RASAL1: variants seen among roughly 807,000 people sequenced by gnomAD.
RASAL1 encodes the protein rasGAP-activating-like protein 1.
In RASAL1, 72 loss-of-function variants were observed where a neutral mutation model predicts 96.6. The ratio of observed to expected loss-of-function variants is 0.75; its 90% CI spans 0.62 to 0.91. The LOEUF (loss-of-function observed/expected upper bound fraction) is 0.91, where lower values mean the gene tolerates loss of function less well. Ranked by LOEUF, RASAL1 falls within the 40% of genes least tolerant of loss-of-function variation. The pLI is 0.00. For synonymous variants in RASAL1, 405 were observed against 430.4 expected, an observed-to-expected ratio of 0.94 and a Z score of 0.73; for missense variants, 1,016 against 1,072.5, an observed-to-expected ratio of 0.95 and a Z score of 0.74.
Position 113,099,887 on chromosome 12 carries a change from C to T in RASAL1, c.*42G>A, listed in dbSNP as rs1311576696. ...GGGCAGGATGCGCTGAAGAGGGCCCCCTGGCTCTTGCTCCTCCTTCCGGGC... is the reference window on the plus strand; with the variant it reads ...GGGCAGGATGCGCTGAAGAGGGCCCTCTGGCTCTTGCTCCTCCTTCCGGGC... On this transcript the variant is annotated 3_prime_UTR_variant, in exon 21 of 21. Transcript: ENST00000548055. 6.3e-7 allele frequency: 1 copy of T among 1,583,178 alleles called. No homozygotes were observed. The highest frequency in any genetic ancestry group is 1.3e-5 in the African/African-American group (1 of 74,322).
At position 113,099,777 on chromosome 12, in the gene RASAL1, G is replaced by A; in HGVS notation, c.*152C>T. ...AAGGGCTTCCATGCCCTGAGTTCTGGACTCAAGGCACACAGGACTAGGCAC... is the reference window on the plus strand; with the variant it reads ...AAGGGCTTCCATGCCCTGAGTTCTGAACTCAAGGCACACAGGACTAGGCAC... On this transcript the variant is annotated 3_prime_UTR_variant, in exon 21 of 21. Transcript: ENST00000548055. The A allele has an allele frequency of 1.8e-6, 2 of 1,123,810 alleles. No homozygotes were observed. Among genetic ancestry groups the A allele is most frequent in the Non-Finnish European group, 1.3e-6 (1 of 798,304 alleles). 69.6% of individuals were successfully genotyped at this position (1,123,810 alleles called of 1,614,324 possible). A position where few individuals can be genotyped will look rare whatever the true frequency, so the allele number is the denominator to read the frequency against.
chr12:113,121,768 C>T, intron 4 of RASAL1, 130 bp from the exon 5 acceptor site: 1 of 1,125,072 alleles, frequency 8.9e-7, no homozygotes, highest in Non-Finnish European at 1.2e-6. Context: ...GTTGCCCAGG[C>T]TGGAGTGCAG....
chr12:113,136,737 G>A (rs984940451), upstream of RASAL1, among the ~76,000 whole-genome samples: 1 of 152,236 alleles, frequency 6.6e-6, no homozygotes, highest in Non-Finnish European at 1.5e-5. Flanking sequence ...ACAGTGACAA[G>A]TACCTAATAC....
chr12:113,119,545 C>T, intron 5 of RASAL1, 102 bp from the exon 6 acceptor site: 1 of 1,164,436 alleles, frequency 8.6e-7, no homozygotes, highest in Non-Finnish European at 1.2e-6. Context: ...GTTTCCAAGG[C>T]AACAAACTGT....
At chr12:113,116,332 C>T (rs1488153000) in intron 8 of RASAL1, among the ~76,000 whole-genome samples, 3 of 151,930 alleles carry the variant, frequency 2.0e-5, no homozygotes, top group African/African-American at 7.3e-5. Flanking sequence ...TGCACTCCAG[C>T]CTGCGTGACA....
chr12:113,103,852 G>T, intron 18 of RASAL1, 94 bp downstream of exon 18: 1 of 1,503,874 alleles, frequency 6.6e-7, no homozygotes, highest in Non-Finnish European at 9.0e-7. Context: ...TGAGTAACTT[G>T]CCCAAGGTTG....
rs1566035211 is a variant in RASAL1 at position 113,104,009 on chromosome 12, C to CG, written c.2040dup (p.Ala681ArgfsTer19). The CG allele has an allele frequency of 6.4e-7, 1 of 1,569,074 alleles. No homozygotes were observed. The stretch of plus-strand genomic sequence containing the variant: ...CTGCGGAAGGCACCGGGGTGGCAGG[C>CG]GGCCAGCTTGTTCGGGTTGGGGGCG... On this transcript the variant is annotated frameshift_variant, in exon 18 of 21. Transcript: ENST00000548055. LOFTEE classifies it high-confidence loss of function.
At chr12:113,105,573 G>A (rs1027624135) in intron 16 of RASAL1, 141 bp downstream of exon 16, 1 of 906,538 alleles carries the variant, frequency 1.1e-6, no homozygotes, top group Non-Finnish European at 1.7e-6. Flanking sequence ...AGCCTGTCCT[G>A]AGAGTTTGTC....
chr12:113,112,954 A>AAAATAAATAAATAAAT lies in RASAL1; in HGVS notation c.1182-692_1182-677dup, dbSNP rs3038168. Among the ~76,000 whole-genome samples the AAAATAAATAAATAAAT allele has an allele frequency of 3.5e-3, 518 of 149,596 alleles. 4 individuals carry two copies. Among genetic ancestry groups the AAAATAAATAAATAAAT allele is most frequent in the African/African-American group, 0.012 (482 of 40,458 alleles). ...GTGACACAGCGAGACTCCATCTCAA[A>AAAATAAATAAATAAAT]AAATAAATAAATAAATAAATAAACC... On this transcript the variant is annotated intron_variant, in intron 12 of 20. Transcript: ENST00000548055.
chr12:113,134,290 T>C (rs773954948), intron 1 of RASAL1, among the ~76,000 whole-genome samples: 1 of 152,108 alleles, frequency 6.6e-6, no homozygotes, highest in Non-Finnish European at 1.5e-5. Flanking sequence ...CTGCAGTGTT[T>C]TGGGGGTTGG....
Position 113,105,732 on chromosome 12 carries a change from G to A in RASAL1, c.1812C>T (p.Ser604=), listed in dbSNP as rs945765715. 1.2e-6 allele frequency: 2 copies of A among 1,610,664 alleles called. No homozygotes were observed. The highest frequency in any genetic ancestry group is 1.3e-5 in the African/African-American group (1 of 74,996). ...ACCCCACCTGCCACTCAGGACTCTT[G>A]GAGAAGGAGAGGGTCTCCCCGCTGA... ...VWLSGETLSF[S]KSPEWQMCHS... Residue 604 remains serine, a synonymous_variant, in exon 16 of 21, where the codon TCC becomes TCT. Coordinates refer to ENST00000548055, the MANE Select transcript of RASAL1 (RefSeq NM_001301202.2).
chr12:113,121,766 G>A, intron 4 of RASAL1, 128 bp from the exon 5 acceptor site: 6 of 1,133,924 alleles, frequency 5.3e-6, no homozygotes, highest in Non-Finnish European at 7.4e-6. Flanking sequence ...CTGTTGCCCA[G>A]GCTGGAGTGC....
At chr12:113,106,962 A>G in intron 15 of RASAL1, 135 bp downstream of exon 15, 1 of 1,012,962 alleles carries the variant, frequency 9.9e-7, no homozygotes, top group Non-Finnish European at 1.5e-6. Context: ...CACAGTAAGT[A>G]TCAGGAAATG....
In RASAL1 at chr12:113,100,624, T is replaced by A. The variant is rs765456484; in HGVS notation, c.2278+4A>T. The A allele has an allele frequency of 3.7e-6, 6 of 1,607,464 alleles. No homozygotes were observed. The South Asian group carries it at 6.6e-5, about 18-fold the overall frequency. On this transcript the variant is annotated splice_donor_region_variant and intron_variant, in intron 20 of 20. Transcript: ENST00000548055. ...TTTACCTTCTGAGGTACAGGAGCCC[T>A]TACCTGTGTCTGCCTCCAGAGTTGT... is the stretch of plus-strand genomic sequence containing the variant.
At chr12:113,102,172 T>C (rs575010041) in intron 18 of RASAL1, among the ~76,000 whole-genome samples, 163 bp from the exon 19 acceptor site, 1 of 152,316 alleles carries the variant, frequency 6.6e-6, no homozygotes, top group Admixed American at 6.5e-5. Context: ...TCTCAGCACT[T>C]TTGGAGGCTG....
chr12:113,124,239 A>AAAAAAAAT (rs377263513), intron 4 of RASAL1, among the ~76,000 whole-genome samples: 1 of 137,678 alleles, frequency 7.3e-6, no homozygotes, highest in Non-Finnish European at 1.6e-5. Flanking sequence ...AAAAAAAAAA[A>AAAAAAAAT]GTTACCACAA....
At chr12:113,124,858 A>G (rs1198654655) in intron 4 of RASAL1, among the ~76,000 whole-genome samples, 1 of 152,250 alleles carries the variant, frequency 6.6e-6, no homozygotes, top group Non-Finnish European at 1.5e-5. Context: ...AATGGTATTG[A>G]GACAATTAAC....
intron 1 of RASAL1, among the ~76,000 whole-genome samples, chr12:113,134,476 C>G (rs1304426170): frequency 6.6e-6 from 1 of 152,126 alleles, no homozygotes; most frequent in Non-Finnish European, 1.5e-5. Context: ...GATGGGAGAC[C>G]CCAGGCAACC....
At position 113,130,959 on chromosome 12, in the gene RASAL1, T is replaced by A. The variant is rs1483514515; in HGVS notation, c.66-18A>T. The A allele has an allele frequency of 6.2e-7, 1 of 1,610,236 alleles. No homozygotes were observed. Among genetic ancestry groups the A allele is most frequent in the Middle Eastern group, 1.7e-4 (1 of 6,048 alleles). ...TCCCAGACCTGCAGAAGGAGGGAGT[T>A]CAGGGAGGAAGCAGGTTGAGAGGGC... On this transcript the variant is annotated intron_variant, in intron 1 of 20. Coordinates refer to ENST00000548055, the MANE Select transcript of RASAL1 (RefSeq NM_001301202.2). This position sits in a 1 kb window ranked among gnomAD's most constrained non-coding sequence, Gnocchi z 5.1.
Sources: gnomAD v4.1 joint callset for allele counts (sites outside exome capture counted in the v4.1 genomes callset) on GRCh38, gnomAD v4.1.1 for gene constraint, Gnocchi (gnomAD v3.1) non-coding constraint, MANE v1.5 for transcripts, NCBI Gene and HGNC (gene_info 2026-07-23, HGNC 2026-07-21) for gene names.